The following CDYL variants were observed in gnomAD, a reference collection of about 807,000 sequenced individuals.
CDYL encodes the protein chromodomain Y like.
A neutral mutation model predicts 47.3 loss-of-function variants in CDYL; 8 were observed. The ratio of observed to expected loss-of-function variants is 0.17; its 90% confidence interval spans 0.10 to 0.31. The LOEUF (loss-of-function observed/expected upper bound fraction) is 0.31, where lower values mean the gene tolerates loss of function less well. Among genes scored for constraint, CDYL ranks in the 10% least tolerant of loss-of-function variants. The probability of loss-of-function intolerance (pLI) is 1.00; values close to 1 mark genes in which losing one functional copy is unlikely to be tolerated. For synonymous variants in CDYL, 266 were observed against 265.0 expected, an observed-to-expected ratio of 1.00 and a Z score of -0.04; for missense variants, 471 against 701.4, an observed-to-expected ratio of 0.67 and a Z score of 3.71.
intron 1 of CDYL, among the ~76,000 whole-genome samples, chr6:4,859,634 A>G (rs1761106784): frequency 6.6e-6 from 1 of 152,206 alleles, no homozygotes; most frequent in East Asian, 1.9e-4. Flanking sequence ...AGTTCTGCAC[A>G]CTTGCTAAAG....
At chr6:4,908,594 T>C (rs1226066227) in intron 2 of CDYL, among the ~76,000 whole-genome samples, 1 of 152,122 alleles carries the variant, frequency 6.6e-6, no homozygotes, top group Non-Finnish European at 1.5e-5. Flanking sequence ...GCTTCCAGGG[T>C]CTGTTTTTTA....
chr6:4,863,694 T>C (rs918208209), intron 1 of CDYL, among the ~76,000 whole-genome samples: 1 of 152,222 alleles, frequency 6.6e-6, no homozygotes, highest in African/African-American at 2.4e-5. Flanking sequence ...AAATATCCTT[T>C]TGCAAATTTT....
intron 1 of CDYL, among the ~76,000 whole-genome samples, chr6:4,828,920 A>G (rs1329416114): frequency 2.0e-5 from 3 of 152,020 alleles, no homozygotes; most frequent in East Asian, 1.9e-4. Flanking sequence ...TTTTATTTCA[A>G]TTATGTACGT....
At chr6:4,953,331 C>T (rs1027433132) in intron 6 of CDYL, among the ~76,000 whole-genome samples, 9 of 151,606 alleles carry the variant, frequency 5.9e-5, no homozygotes, top group African/African-American at 1.2e-4. Flanking sequence ...TTGCAGTGAG[C>T]GGAGATCCCG....
chr6:4,760,222 G>C (rs190909903), intron 3 of CDYL, among the ~76,000 whole-genome samples: 1 of 152,086 alleles, frequency 6.6e-6, no homozygotes, highest in Non-Finnish European at 1.5e-5. Context: ...AAAGTGGATG[G>C]CATTTTGACC....
chr6:4,923,442 A>G (rs886272933), intron 2 of CDYL, among the ~76,000 whole-genome samples: 1 of 152,214 alleles, frequency 6.6e-6, no homozygotes, highest in Non-Finnish European at 1.5e-5. Flanking sequence ...GTGTGTATAT[A>G]CCAACATTTT....
At chr6:4,819,140 CTCTCTCTCTCTCTCTCTCTCTCTG>C (rs1759756420) in intron 1 of CDYL, among the ~76,000 whole-genome samples, 1 of 140,734 alleles carries the variant, frequency 7.1e-6, no homozygotes, top group African/African-American at 2.9e-5. Flanking sequence ...CTCTCTCTCT[CTCTCTCTCTCTCTCTCTCTCTCTG>C]TGTGTGTGTG....
intron 1 of CDYL, among the ~76,000 whole-genome samples, chr6:4,834,289 C>A (rs1319744378): frequency 6.6e-6 from 1 of 151,786 alleles, no homozygotes; most frequent in Non-Finnish European, 1.5e-5. Context: ...AATCTCTCAG[C>A]ATTTGCTTGT....
At position 4,734,553 on chromosome 6, in the gene CDYL, C is replaced by T. The variant is rs150613467; in HGVS notation, c.104-209C>T. Among the ~76,000 whole-genome samples, 280 of 152,260 alleles carry T rather than the reference C, an allele frequency of 1.8e-3. 3 individuals are homozygous for T. The highest frequency in any genetic ancestry group is 3.5e-4 in the Non-Finnish European group (24 of 68,014). ...CTCTCTGTCTGCTTTCTCTTCATCC[C>T]GCTGGGACGGGCTGCTGCAGCAAGA... On this transcript the variant is annotated intron_variant, in intron 2 of 8. Transcript: ENST00000328908.
intron 4 of CDYL, among the ~76,000 whole-genome samples, chr6:4,939,422 T>C (rs1199514204): frequency 6.6e-6 from 1 of 152,214 alleles, no homozygotes; most frequent in Non-Finnish European, 1.5e-5. Flanking sequence ...TTGAAGGGGA[T>C]TGCCTTAGCC....
chr6:4,754,128 C>T (rs1561837225), intron 3 of CDYL, among the ~76,000 whole-genome samples: 1 of 152,084 alleles, frequency 6.6e-6, no homozygotes. Flanking sequence ...TAGAGCGAGA[C>T]CCTGTCTCTT....
intron 1 of CDYL, among the ~76,000 whole-genome samples, chr6:4,863,897 G>A (rs955013383): frequency 2.0e-5 from 3 of 152,210 alleles, no homozygotes; most frequent in African/African-American, 7.2e-5. Context: ...TTTCTCAGGA[G>A]ACGAGAGAGG....
intron 1 of CDYL, among the ~76,000 whole-genome samples, chr6:4,711,419 C>T (rs752462333): frequency 1.3e-5 from 2 of 152,192 alleles, no homozygotes; most frequent in African/African-American, 2.4e-5. Context: ...GATTCCCCCT[C>T]AGGAGCGACA....
At chr6:4,943,898 A>G in intron 5 of CDYL, 142 bp downstream of exon 5, 2 of 631,244 alleles carry the variant, frequency 3.2e-6, no homozygotes, top group Non-Finnish European at 2.6e-6. Flanking sequence ...ATTTGGGTTC[A>G]TAGACGTTGT....
chr6:4,758,968 C>CTTT (rs753662724), intron 3 of CDYL, among the ~76,000 whole-genome samples: 3 of 131,916 alleles, frequency 2.3e-5, no homozygotes, highest in African/African-American at 5.8e-5. Context: ...TTTTCTTTTT[C>CTTT]TTTTTTTTTT....
At chr6:4,720,470 C>T (rs528189074) in intron 2 of CDYL, among the ~76,000 whole-genome samples, 1 of 152,230 alleles carries the variant, frequency 6.6e-6, no homozygotes, top group Admixed American at 6.5e-5. Flanking sequence ...CTTTCACATT[C>T]TTTATAAGGT....
intron 3 of CDYL, among the ~76,000 whole-genome samples, chr6:4,755,548 T>A (rs1444478340): frequency 6.6e-6 from 1 of 151,630 alleles, no homozygotes; most frequent in Non-Finnish European, 1.5e-5. Flanking sequence ...CTTCTTAGAT[T>A]ACCCACTGGA....
chr6:4,868,603 C>T (rs533019821), intron 1 of CDYL, among the ~76,000 whole-genome samples: 1 of 152,090 alleles, frequency 6.6e-6, no homozygotes, highest in Non-Finnish European at 1.5e-5. Flanking sequence ...GTTCTGAGTG[C>T]ACTTGGAAGG....
chr6:4,776,873 GCCCGACGGC>G (rs1177509669), intron 1 of CDYL, 66 bp downstream of exon 1: 1 of 733,282 alleles, frequency 1.4e-6, no homozygotes, highest in Non-Finnish European at 1.6e-6. Context: ...CGGCCGCGCC[GCCCGACGGC>G]CCCGCTCGCC....
Sources: gnomAD v4.1 joint callset for allele counts (sites outside exome capture counted in the v4.1 genomes callset) on GRCh38, gnomAD v4.1.1 for gene constraint, MANE v1.5 for transcripts, NCBI Gene and HGNC (gene_info 2026-07-23, HGNC 2026-07-21) for gene names.